Variants in SH3BP5 observed in about 807,000 individuals in gnomAD.
SH3BP5 encodes SH3 domain binding protein 5.
Under a neutral mutation model 43.3 loss-of-function variants are expected in SH3BP5, and 22 were observed. The observed-to-expected ratio is 0.51, with a 90% CI of 0.36 to 0.73. The LOEUF (loss-of-function observed/expected upper bound fraction) is 0.73, where lower values mean the gene tolerates loss of function less well. SH3BP5 is among the 30% of genes least tolerant of loss of function. The pLI, the probability that SH3BP5 is intolerant of heterozygous loss-of-function variation, is 0.00. For synonymous variants in SH3BP5, 255 were observed against 225.8 expected (o/e 1.13, Z -1.16); for missense variants, 529 against 586.9 (o/e 0.90, Z 1.02).
Position 15,256,845 on chromosome 3 carries a change from C to G in SH3BP5, c.1150+8G>C. The stretch of plus-strand genomic sequence containing the variant: ...CATCTGGGACGGGGTGAGAAGGCTG[C>G]TACTCACCTCGTTCTACTTCACATT... On this transcript the variant is annotated splice_region_variant and intron_variant, in intron 8 of 8. Transcript: ENST00000383791. 1.2e-6 allele frequency: 2 copies of G among 1,601,770 alleles called. No individual in the cohort carries two copies. Among genetic ancestry groups the G allele is most frequent in the Middle Eastern group, 1.7e-4 (1 of 5,726 alleles).
chr3:15,261,962 C>T (rs1005630215), intron 5 of SH3BP5, among the ~76,000 whole-genome samples, 197 bp downstream of exon 5: 1 of 152,170 alleles, frequency 6.6e-6, no homozygotes, highest in Non-Finnish European at 1.5e-5. Flanking sequence ...GCAGCCCACC[C>T]CTTAGCATCC....
chr3:15,335,882 A>G (rs1698695615), upstream of SH3BP5, among the ~76,000 whole-genome samples: 1 of 152,234 alleles, frequency 6.6e-6, no homozygotes. Flanking sequence ...GGGGCAGGGG[A>G]TCAAAGGAAT....
intron 1 of SH3BP5, 121 bp downstream of exon 1, chr3:15,332,150 A>G: frequency 2.8e-6 from 4 of 1,451,582 alleles, no homozygotes; most frequent in South Asian, 2.6e-5. Context: ...CTGCCACCCT[A>G]TGTGGCCGCC....
In SH3BP5 at chr3:15,254,600, C is replaced by T. The variant is rs538868036; in HGVS notation, c.*1486G>A. The T allele has an allele frequency of 4.6e-5, 7 of 152,140 alleles. No individual in the cohort carries two copies. The South Asian group carries it at 1.2e-3, about 27-fold the overall frequency. 9.4% of individuals were successfully genotyped at this position (152,140 alleles called of 1,614,324 possible). A position where few individuals can be genotyped will look rare whatever the true frequency, so the allele number is the denominator to read the frequency against. On this transcript the variant is annotated 3_prime_UTR_variant, in exon 9 of 9. Transcript: ENST00000383791. ...CGAGACTGCAGTGTGCAGCCGAGGC[C>T]CACTCCTCCAGCGTCACCACCTCGT...
At chr3:15,307,569 T>A (rs1697943983) in intron 2 of SH3BP5, among the ~76,000 whole-genome samples, 1 of 152,244 alleles carries the variant, frequency 6.6e-6, no homozygotes, top group Non-Finnish European at 1.5e-5. Flanking sequence ...GTAAAACATT[T>A]AACAATTTCT....
chr3:15,327,656 C>A (rs111296951), intron 2 of SH3BP5, among the ~76,000 whole-genome samples: 1 of 152,242 alleles, frequency 6.6e-6, no homozygotes, highest in Non-Finnish European at 1.5e-5. Context: ...CAACCAAAAA[C>A]GTAAACTCCT....
intron 2 of SH3BP5, among the ~76,000 whole-genome samples, chr3:15,330,284 G>A (rs2125148015): frequency 6.6e-6 from 1 of 152,348 alleles, no homozygotes; most frequent in African/African-American, 2.4e-5. Flanking sequence ...AGGCCCCATG[G>A]AGCTTCCATA....
At chr3:15,277,170 G>A (rs1221046985) in intron 3 of SH3BP5, among the ~76,000 whole-genome samples, 1 of 152,114 alleles carries the variant, frequency 6.6e-6, no homozygotes, top group Non-Finnish European at 1.5e-5. Flanking sequence ...ATACAACGGG[G>A]TTTCACCATG....
At chr3:15,264,280 T>TTG (rs1696557785) in intron 4 of SH3BP5, 2 of 147,916 alleles carry the variant, frequency 1.4e-5, no homozygotes, top group South Asian at 2.2e-4. Flanking sequence ...TACAAATGGT[T>TTG]TTTTTTTTTT....
chr3:15,293,274 G>A (rs927709279), intron 3 of SH3BP5, among the ~76,000 whole-genome samples: 13 of 152,252 alleles, frequency 8.5e-5, no homozygotes, highest in African/African-American at 2.7e-4. Flanking sequence ...TGGCCACCCA[G>A]GGGGAATGTG....
chr3:15,339,010 C>G (rs1247591490), intron 1 of SH3BP5, among the ~76,000 whole-genome samples: 4 of 152,158 alleles, frequency 2.6e-5, no homozygotes, highest in African/African-American at 9.7e-5. Flanking sequence ...CCAGCGACCC[C>G]TAAGGATCAT....
At chr3:15,259,922 T>A (rs569787419) in intron 5 of SH3BP5, 119 bp from the exon 6 acceptor site, 2 of 880,728 alleles carry the variant, frequency 2.3e-6, no homozygotes, top group Non-Finnish European at 3.8e-6. Flanking sequence ...CAATATTTAG[T>A]AAACTCTTAA....
intron 3 of SH3BP5, among the ~76,000 whole-genome samples, chr3:15,280,788 TCTCTTCCATCTCTGCCTTTGTCCCCCAC>T (rs1697105349): frequency 6.6e-6 from 1 of 152,050 alleles, no homozygotes. Flanking sequence ...CACTCACAAT[TCTCTTCCATCTCTGCCTTTGTCCCCCAC>T]CTACACTGTC....
intron 2 of SH3BP5, among the ~76,000 whole-genome samples, chr3:15,306,054 T>TTAAAAAAAAAAA (rs377355419): frequency 7.3e-6 from 1 of 137,032 alleles, no homozygotes; most frequent in African/African-American, 2.9e-5. Context: ...TGCATGAGTT[T>TTAAAAAAAAAAA]AAAAAAAAAA....
intron 2 of SH3BP5, among the ~76,000 whole-genome samples, chr3:15,306,865 G>A (rs1697924590): frequency 6.6e-6 from 1 of 151,982 alleles, no homozygotes; most frequent in African/African-American, 2.4e-5. Flanking sequence ...GTAGAGATGG[G>A]GTTTCGCATG....
At chr3:15,278,694 G>T (rs1170466406) in intron 3 of SH3BP5, among the ~76,000 whole-genome samples, 1 of 152,126 alleles carries the variant, frequency 6.6e-6, no homozygotes, top group African/African-American at 2.4e-5. Flanking sequence ...TCACACCGAG[G>T]TGCTTCTAAT....
At chr3:15,316,840 T>C (rs1481697520) in intron 2 of SH3BP5, among the ~76,000 whole-genome samples, 1 of 152,020 alleles carries the variant, frequency 6.6e-6, no homozygotes, top group African/African-American at 2.4e-5. Context: ...CCCGAGAGGA[T>C]GGACTGAAGT....
At chr3:15,311,082 G>C (rs1056537340) in intron 2 of SH3BP5, among the ~76,000 whole-genome samples, 8 of 152,326 alleles carry the variant, frequency 5.3e-5, no homozygotes, top group Non-Finnish European at 1.0e-4. Flanking sequence ...ATAAAGATGG[G>C]ATGGTGATGT....
chr3:15,286,889 C>A (rs751485348), intron 3 of SH3BP5, among the ~76,000 whole-genome samples: 29 of 152,332 alleles, frequency 1.9e-4, no homozygotes, highest in Non-Finnish European at 3.7e-4. Context: ...TTCATCTTTA[C>A]TTTGCACCAC....
Sources: gnomAD v4.1 joint callset for allele counts (sites outside exome capture counted in the v4.1 genomes callset) on GRCh38, gnomAD v4.1.1 for gene constraint, MANE v1.5 for transcripts, NCBI Gene and HGNC (gene_info 2026-07-23, HGNC 2026-07-21) for gene names.